FARP1: variants seen among roughly 807,000 people sequenced by gnomAD.
FARP1 encodes the protein FERM, ARHGEF and pleckstrin domain-containing protein 1.
Under a neutral mutation model 128.8 loss-of-function variants are expected in FARP1, and 52 were observed. The ratio of observed to expected loss-of-function variants is 0.40; its 90% confidence interval spans 0.32 to 0.51. The LOEUF (loss-of-function observed/expected upper bound fraction) is 0.51, where lower values mean the gene tolerates loss of function less well. Among genes scored for constraint, FARP1 ranks in the 20% least tolerant of loss-of-function variants. FARP1 has a pLI of 0.45. For synonymous variants in FARP1, 580 were observed against 551.8 expected (o/e 1.05, Z -0.72); for missense variants, 1,333 against 1,367.9 (o/e 0.97, Z 0.40).
intron 1 of FARP1, among the ~76,000 whole-genome samples, chr13:98,187,042 A>T (rs10450814): frequency 6.7e-6 from 1 of 149,584 alleles, no homozygotes; most frequent in Non-Finnish European, 1.5e-5. Flanking sequence ...ACATACAGAT[A>T]TATGTGTTCA....
intron 13 of FARP1, chr13:98,400,869 T>A (rs1485014700): frequency 1.3e-5 from 2 of 152,228 alleles, no homozygotes; most frequent in African/African-American, 4.8e-5. Context: ...AGGTAATCCC[T>A]GTAACAGAGC....
chr13:98,292,979 G>A (rs1211558227), intron 2 of FARP1, among the ~76,000 whole-genome samples: 1 of 151,794 alleles, frequency 6.6e-6, no homozygotes, highest in Non-Finnish European at 1.5e-5. Flanking sequence ...AGAAAATAAT[G>A]GAGTCATTTC....
In FARP1 at chr13:98,453,245, T is replaced by C; in HGVS notation, c.*4928T>C. The C allele has an allele frequency of 6.2e-7, 1 of 1,602,750 alleles. No homozygotes were observed. The highest frequency in any genetic ancestry group is 8.5e-7 in the Non-Finnish European group (1 of 1,175,052). On this transcript the variant is annotated 3_prime_UTR_variant, in exon 27 of 27. Coordinates refer to ENST00000319562, the MANE Select transcript of FARP1 (RefSeq NM_005766.4). ...AGAGAGAGAGAGAAGTCAACACATG[T>C]CATTTCTCATCCCTGTGCAAAAATT...
intron 1 of FARP1, among the ~76,000 whole-genome samples, chr13:98,171,332 G>A (rs573393527): frequency 3.3e-5 from 5 of 152,222 alleles, no homozygotes; most frequent in South Asian, 2.1e-4. Context: ...TAGCCTCTTC[G>A]TATAGTGACT....
rs1003348607 is a variant in FARP1 at position 98,451,626 on chromosome 13, C to CTACA, written c.*3311_*3314dup. The stretch of plus-strand genomic sequence containing the variant: ...GCCACTAGACCAGCAGATAGCTGAG[C>CTACA]TACATCCCCAAGCTCACCCACTAAC... On this transcript the variant is annotated 3_prime_UTR_variant, in exon 27 of 27. Transcript: ENST00000319562. 4.6e-5 allele frequency: 7 copies of CTACA among 152,228 alleles called. No homozygotes were observed. Among genetic ancestry groups the CTACA allele is most frequent in the Non-Finnish European group, 1.0e-4 (7 of 68,076 alleles). The allele number at this position is 152,228 out of a possible 1,614,324, so 9.4% of individuals were successfully genotyped here. A position where few individuals can be genotyped will look rare whatever the true frequency, so the allele number is the denominator to read the frequency against.
intron 2 of FARP1, among the ~76,000 whole-genome samples, chr13:98,320,687 C>A (rs546657753): frequency 5.3e-4 from 81 of 152,276 alleles, no homozygotes; most frequent in Admixed American, 1.1e-3. Flanking sequence ...AGCATTTATT[C>A]TGAACACCTC....
At chr13:98,427,000 C>T (rs1891813415) in intron 17 of FARP1, among the ~76,000 whole-genome samples, 1 of 152,124 alleles carries the variant, frequency 6.6e-6, no homozygotes, top group Admixed American at 6.5e-5. Context: ...CTGCTATTAG[C>T]GTTTTGCATT....
At chr13:98,334,810 G>C (rs1887674122) in intron 2 of FARP1, among the ~76,000 whole-genome samples, 1 of 152,188 alleles carries the variant, frequency 6.6e-6, no homozygotes, top group Non-Finnish European at 1.5e-5. Flanking sequence ...AGGACACAAG[G>C]AGAAGGTGGC....
chr13:98,363,067 G>A (rs372871241), intron 3 of FARP1, among the ~76,000 whole-genome samples: 19 of 152,270 alleles, frequency 1.2e-4, no homozygotes, highest in African/African-American at 4.6e-4. Flanking sequence ...CTGTTCTCAC[G>A]CTGCCAGACT....
chr13:98,290,150 C>T (rs1885384250), intron 2 of FARP1, among the ~76,000 whole-genome samples: 1 of 151,644 alleles, frequency 6.6e-6, no homozygotes, highest in Admixed American at 6.6e-5. Context: ...GGGGGATTTC[C>T]CCCTTGTAGA....
chr13:98,153,337 A>C, intron 1 of FARP1, among the ~76,000 whole-genome samples: 1 of 58,472 alleles, frequency 1.7e-5, no homozygotes, highest in East Asian at 8.8e-4. Flanking sequence ...TATAATATAT[A>C]AAATAATATA....
intron 1 of FARP1, among the ~76,000 whole-genome samples, chr13:98,195,561 CCTTT>C (rs1324149182): frequency 6.6e-6 from 1 of 152,138 alleles, no homozygotes; most frequent in Non-Finnish European, 1.5e-5. Context: ...TGTTGGAGCG[CCTTT>C]CTGATTGCAC....
In FARP1 at chr13:98,448,888, A is replaced by G. The variant is rs1396109681; in HGVS notation, c.*571A>G. ...CTGATTAATAAGCAATTTGCAGCACACAGCGTTCCACTGCGGGGTTTCACG... is the reference window on the plus strand; with the variant it reads ...CTGATTAATAAGCAATTTGCAGCACGCAGCGTTCCACTGCGGGGTTTCACG... On this transcript the variant is annotated 3_prime_UTR_variant, in exon 27 of 27. Transcript: ENST00000319562. 6.6e-6 allele frequency: 1 copy of G among 152,268 alleles called. No homozygotes were observed. Among genetic ancestry groups the G allele is most frequent in the African/African-American group, 2.4e-5 (1 of 41,430 alleles). 9.4% of individuals were successfully genotyped at this position (152,268 alleles called of 1,614,324 possible).
chr13:98,291,320 C>A (rs1256781388), intron 2 of FARP1, among the ~76,000 whole-genome samples: 5 of 152,136 alleles, frequency 3.3e-5, no homozygotes, highest in Non-Finnish European at 7.4e-5. Flanking sequence ...TCCTCCTCAT[C>A]GTCTTCATGT....
chr13:98,306,589 G>A (rs1443940904), intron 2 of FARP1, among the ~76,000 whole-genome samples: 9 of 151,882 alleles, frequency 5.9e-5, no homozygotes, highest in Middle Eastern at 3.4e-3. Context: ...ATTGTGGCCC[G>A]CTGCAGCCTC....
chr13:98,266,568 G>A, intron 2 of FARP1, among the ~76,000 whole-genome samples: 1 of 152,170 alleles, frequency 6.6e-6, no homozygotes, highest in East Asian at 1.9e-4. Flanking sequence ...AGAGTTCTGG[G>A]TTGGTCTGAA....
chr13:98,353,938 TG>T lies in FARP1; in HGVS notation c.276+10073del, dbSNP rs1328652632. 2.0e-5 allele frequency among the ~76,000 whole-genome samples: 3 copies of T among 152,226 alleles called. No individual in the cohort carries two copies. The East Asian group carries it at 5.8e-4, about 29-fold the overall frequency. On this transcript the variant is annotated intron_variant, in intron 3 of 26. Transcript: ENST00000319562. Reference sequence around the variant, plus strand: ...TTTGAAATGAGTCATTCGAAGCTAATGAAAATTAAACAAATGATTTAAAAAT... The same window carrying T: ...TTTGAAATGAGTCATTCGAAGCTAATAAAATTAAACAAATGATTTAAAAAT...
intron 2 of FARP1, chr13:98,329,983 G>A (rs1887425235): frequency 6.6e-6 from 1 of 152,294 alleles, no homozygotes; most frequent in Non-Finnish European, 1.5e-5. Flanking sequence ...CAGAATCAGG[G>A]ATGGAGGTGT....
Position 98,371,424 on chromosome 13 carries a change from G to A in FARP1, c.398+3229G>A, listed in dbSNP as rs1299059443. On this transcript the variant is annotated intron_variant, in intron 5 of 26. Coordinates refer to ENST00000319562, the MANE Select transcript of FARP1 (RefSeq NM_005766.4). Reference sequence around the variant, plus strand: ...TGCTGATAAATTCCTAAAGTTACACGAGCTCAGCTGGACGGAGCAGGTTTT... The same window carrying A: ...TGCTGATAAATTCCTAAAGTTACACAAGCTCAGCTGGACGGAGCAGGTTTT... Among the ~76,000 whole-genome samples the A allele has an allele frequency of 2.6e-5, 4 of 152,040 alleles. No homozygotes were observed. The South Asian group carries it at 6.2e-4, about 24-fold the overall frequency.
Sources: gnomAD v4.1 joint callset for allele counts (sites outside exome capture counted in the v4.1 genomes callset) on GRCh38, gnomAD v4.1.1 for gene constraint, MANE v1.5 for transcripts, NCBI Gene and HGNC (gene_info 2026-07-23, HGNC 2026-07-21) for gene names.